MTMR7: variants seen among roughly 807,000 people sequenced by gnomAD.
MTMR7 encodes the protein myotubularin related protein 7.
Under a neutral mutation model 81.2 loss-of-function variants are expected in MTMR7, and 76 were observed. The observed-to-expected ratio is 0.94, with a 90% confidence interval of 0.78 to 1.13. MTMR7 has a LOEUF of 1.13. Ranked by LOEUF, MTMR7 falls within the 50% of genes most tolerant of loss-of-function variation. The probability of loss-of-function intolerance (pLI) is 0.00; values close to 1 mark genes in which losing one functional copy is unlikely to be tolerated. For synonymous variants in MTMR7, 372 were observed against 289.8 expected, an observed-to-expected ratio of 1.28 and a Z score of -2.88; for missense variants, 1,044 against 820.0, an observed-to-expected ratio of 1.27 and a Z score of -3.34.
intron 4 of MTMR7, chr8:17,349,310 C>T (rs1380073277): frequency 7.2e-6 from 3 of 416,868 alleles, no homozygotes; most frequent in South Asian, 4.2e-5. Flanking sequence ...GTTCTGTCCC[C>T]GTGCACTGTC....
chr8:17,335,553 G>C (rs556158404), intron 6 of MTMR7, among the ~76,000 whole-genome samples: 1 of 152,190 alleles, frequency 6.6e-6, no homozygotes, highest in African/African-American at 2.4e-5. Context: ...ACGCTGACAT[G>C]GTTGGGAAAT....
At chr8:17,313,547 C>A in intron 7 of MTMR7, 146 bp from the exon 8 acceptor site, 1 of 545,452 alleles carries the variant, frequency 1.8e-6, no homozygotes, top group Non-Finnish European at 3.2e-6. Context: ...TAAATACCCA[C>A]GTTTACTAAA....
chr8:17,392,592 C>G (rs1821136488), intron 1 of MTMR7, among the ~76,000 whole-genome samples: 1 of 152,228 alleles, frequency 6.6e-6, no homozygotes, highest in Admixed American at 6.5e-5. Flanking sequence ...GAGGCTTTGC[C>G]TCATAGGCCA....
At chr8:17,314,298 C>G (rs1468169068) in intron 7 of MTMR7, among the ~76,000 whole-genome samples, 3 of 152,072 alleles carry the variant, frequency 2.0e-5, no homozygotes, top group Non-Finnish European at 4.4e-5. Flanking sequence ...TTTTATTGTT[C>G]TCTGTGATGC....
chr8:17,405,585 C>T (rs927750852), intron 1 of MTMR7, among the ~76,000 whole-genome samples: 1 of 152,050 alleles, frequency 6.6e-6, no homozygotes, highest in Non-Finnish European at 1.5e-5. Context: ...ATGCCCTCTG[C>T]TACTAAGGAA....
At position 17,331,336 on chromosome 8, in the gene MTMR7, T is replaced by C. The variant is rs920729409; in HGVS notation, c.733-54A>G. On this transcript the variant is annotated intron_variant, in intron 6 of 13. Transcript: ENST00000180173. ...ATCAATTACATTGATGAAACAATGA[T>C]GAAACAACCAAAACATTTCATGGAT... is the stretch of plus-strand genomic sequence containing the variant. 6 of 1,521,610 alleles carry C rather than the reference T, an allele frequency of 3.9e-6. No individual in the cohort carries two copies. The African/African-American group carries it at 4.2e-5, about 11-fold the overall frequency. 94.3% of individuals were successfully genotyped at this position (1,521,610 alleles called of 1,614,324 possible). A position where few individuals can be genotyped will look rare whatever the true frequency, so the allele number is the denominator to read the frequency against.
At chr8:17,375,609 TCAG>T (rs1820562241) in intron 1 of MTMR7, among the ~76,000 whole-genome samples, 1 of 152,116 alleles carries the variant, frequency 6.6e-6, no homozygotes, top group South Asian at 2.1e-4. Flanking sequence ...TACTGGGTGA[TCAG>T]CATTTCTTAC....
chr8:17,365,954 T>C (rs1256596758), intron 3 of MTMR7, among the ~76,000 whole-genome samples: 2 of 152,166 alleles, frequency 1.3e-5, no homozygotes, highest in Non-Finnish European at 2.9e-5. Context: ...GAGATCCATG[T>C]TTTGGCTGAT....
At chr8:17,369,784 T>A (rs1820355485) in intron 3 of MTMR7, among the ~76,000 whole-genome samples, 1 of 151,576 alleles carries the variant, frequency 6.6e-6, no homozygotes. Context: ...TAGCTGGGAC[T>A]ACAGGCGCAC....
At chr8:17,367,690 G>C (rs554412817) in intron 3 of MTMR7, among the ~76,000 whole-genome samples, 1 of 152,110 alleles carries the variant, frequency 6.6e-6, no homozygotes, top group African/African-American at 2.4e-5. Context: ...TCAGTAAAGA[G>C]ATAATCTCGA....
intron 1 of MTMR7, among the ~76,000 whole-genome samples, chr8:17,405,750 A>T (rs1298592208): frequency 6.6e-6 from 1 of 152,074 alleles, no homozygotes; most frequent in Admixed American, 6.6e-5. Context: ...ATGTGGTTAA[A>T]AAAAAAATCA....
chr8:17,354,857 C>T (rs1819840304), intron 4 of MTMR7, among the ~76,000 whole-genome samples: 1 of 152,158 alleles, frequency 6.6e-6, no homozygotes, highest in Admixed American at 6.5e-5. Flanking sequence ...AGTGACAAAT[C>T]AGGATACATC....
At chr8:17,387,428 T>C (rs1055396614) in intron 1 of MTMR7, among the ~76,000 whole-genome samples, 3 of 152,018 alleles carry the variant, frequency 2.0e-5, no homozygotes, top group East Asian at 1.9e-4. Flanking sequence ...GGTAGAAAAA[T>C]TCACCCCAGT....
chr8:17,367,698 C>T (rs1820271432), intron 3 of MTMR7, among the ~76,000 whole-genome samples: 1 of 152,086 alleles, frequency 6.6e-6, no homozygotes. Context: ...GAGATAATCT[C>T]GACATTTATT....
chr8:17,382,605 G>A (rs1169558130), intron 1 of MTMR7, among the ~76,000 whole-genome samples: 10 of 152,118 alleles, frequency 6.6e-5, no homozygotes, highest in African/African-American at 2.4e-4. Context: ...AATCTTTAAT[G>A]TTGATATTCA....
chr8:17,391,666 T>C (rs913115953), intron 1 of MTMR7, among the ~76,000 whole-genome samples: 3 of 152,202 alleles, frequency 2.0e-5, no homozygotes, highest in African/African-American at 7.2e-5. Flanking sequence ...ACAGATCAAC[T>C]GTACCTTGTT....
At chr8:17,394,778 C>T (rs1032330645) in intron 1 of MTMR7, among the ~76,000 whole-genome samples, 1 of 151,994 alleles carries the variant, frequency 6.6e-6, no homozygotes, top group African/African-American at 2.4e-5. Context: ...TGACATCAGA[C>T]CCACAATGCC....
At chr8:17,410,153 A>C (rs1821698308) in intron 1 of MTMR7, among the ~76,000 whole-genome samples, 2 of 152,192 alleles carry the variant, frequency 1.3e-5, no homozygotes, top group Admixed American at 1.3e-4. Context: ...AAAAAAAATA[A>C]ATCAGGAGAC....
intron 1 of MTMR7, among the ~76,000 whole-genome samples, chr8:17,398,710 T>C (rs1348041642): frequency 6.6e-6 from 1 of 152,026 alleles, no homozygotes; most frequent in East Asian, 1.9e-4. Flanking sequence ...AGTAGAAAGA[T>C]TAAATAACCA....
Sources: gnomAD v4.1 joint callset for allele counts (sites outside exome capture counted in the v4.1 genomes callset) on GRCh38, gnomAD v4.1.1 for gene constraint, MANE v1.5 for transcripts, NCBI Gene and HGNC (gene_info 2026-07-23, HGNC 2026-07-21) for gene names.